Variants in SH2D3C observed in about 807,000 individuals in gnomAD.
SH2D3C encodes the protein SH2 domain-containing protein 3C.
In SH2D3C, 25 loss-of-function variants were observed where a neutral mutation model predicts 75.2. That is an observed-to-expected ratio of 0.33 (90% CI 0.24 to 0.46). SH2D3C has a LOEUF of 0.46. Ranked by LOEUF, SH2D3C falls within the 20% of genes least tolerant of loss-of-function variation. The pLI is 1.00. For missense variants in SH2D3C, 933 were observed against 1,165.3 expected (o/e 0.80, Z 2.90); for synonymous variants, 450 against 473.7 (o/e 0.95, Z 0.65).
At position 127,749,181 on chromosome 9, in the gene SH2D3C, C is replaced by T. The variant is rs746802045; in HGVS notation, c.1139+30G>A. 17 of 1,491,654 alleles carry T rather than the reference C, an allele frequency of 1.1e-5. No individual in the cohort carries two copies. The South Asian group carries it at 2.0e-4, about 18-fold the overall frequency. The allele number at this position is 1,491,654 out of a possible 1,614,324, so 92.4% of individuals were successfully genotyped here. On this transcript the variant is annotated intron_variant, in intron 5 of 11. Coordinates refer to ENST00000314830, the MANE Select transcript of SH2D3C (RefSeq NM_170600.3). This position sits in a 1 kb window ranked among gnomAD's most constrained non-coding sequence, Gnocchi z 5.9. ...TCACTAGCCCTCTCATTACCCACAA[C>T]CCCATTTGACAAATGGGGCCCTGGC...
At position 127,749,604 on chromosome 9, in the gene SH2D3C, A is replaced by C. The variant is rs771313157; in HGVS notation, c.746T>G (p.Leu249Arg). 11 of 1,597,638 alleles carry C rather than the reference A, an allele frequency of 6.9e-6. No homozygotes were observed. The highest frequency in any genetic ancestry group is 9.4e-6 in the Non-Finnish European group (11 of 1,172,620). The change falls in exon 5 of 12, where the codon CTG becomes CGG. Residue 249 changes from leucine to arginine, a missense_variant. Physicochemically the swap from Leu to Arg is moderately radical, Grantham distance 102. Transcript: ENST00000314830. This position sits in a 1 kb window ranked among gnomAD's most constrained non-coding sequence, Gnocchi z 5.9. ...GCGGCACGTGAGCACATAGTCGCCC[A>C]GGCTGGTGAGTGAGTCCCGGATGAG... is the stretch of plus-strand genomic sequence containing the variant. ...DFLIRDSLTS[L>R]GDYVLTCRWR...
intron 2 of SH2D3C, among the ~76,000 whole-genome samples, chr9:127,772,386 G>C (rs1845753214): frequency 6.6e-6 from 1 of 151,916 alleles, no homozygotes. Context: ...TGGGATTACA[G>C]GTGCCCGCCG....
chr9:127,759,047 G>A (rs1475218080), intron 3 of SH2D3C, among the ~76,000 whole-genome samples: 1 of 152,222 alleles, frequency 6.6e-6, no homozygotes, highest in Admixed American at 6.5e-5. Context: ...GCTCACTGAA[G>A]CCATAGCAAC....
rs1232879095 is a variant in SH2D3C at position 127,754,951 on chromosome 9, G to GCCCA, written c.556-3652_556-3651insTGGG. The GCCCA allele has an allele frequency of 0.016, 8,507 of 524,272 alleles. 125 individuals are homozygous for GCCCA. The highest frequency in any genetic ancestry group is 0.016 in the Non-Finnish European group (4,910 of 300,516). The allele number at this position is 524,272 out of a possible 1,614,324, so 32.5% of individuals were successfully genotyped here. On this transcript the variant is annotated intron_variant, in intron 3 of 11. Coordinates refer to ENST00000314830, the MANE Select transcript of SH2D3C (RefSeq NM_170600.3). The surrounding 1 kb of genome is among the most constrained non-coding windows in gnomAD (Gnocchi z 4.4). ...CCCCGCCCCCTCCCCGGGTCGGCCG[G>GCCCA]GCCCAGCCCAGCCCGACCCTGCCGG... is the stretch of plus-strand genomic sequence containing the variant.
At chr9:127,756,212 G>A (rs1845375359) in intron 3 of SH2D3C, among the ~76,000 whole-genome samples, 1 of 152,222 alleles carries the variant, frequency 6.6e-6, no homozygotes, top group Admixed American at 6.5e-5. Context: ...TGAGGCATGA[G>A]AATCGCTTGA....
chr9:127,746,150 G>A (rs575456316), intron 6 of SH2D3C, among the ~76,000 whole-genome samples: 21 of 152,274 alleles, frequency 1.4e-4, no homozygotes, highest in South Asian at 1.0e-3. Flanking sequence ...ATTCTGGCAA[G>A]GAATTTTAGG....
intron 2 of SH2D3C, chr9:127,767,228 C>T: frequency 6.7e-7 from 1 of 1,494,418 alleles, no homozygotes; most frequent in Non-Finnish European, 8.9e-7. Context: ...CAGAGCGGAG[C>T]TGAGGATGCT....
rs1845727913 is a variant in SH2D3C at position 127,771,108 on chromosome 9, G to T, written c.515+2882C>A. ...AACCCCGCCCCCAAATTTGTCAGCT[G>T]CCCCAGGGGTGCAGATTTCCTCCTT... On this transcript the variant is annotated intron_variant, in intron 2 of 11. Coordinates refer to ENST00000314830, the MANE Select transcript of SH2D3C (RefSeq NM_170600.3). 2.6e-6 allele frequency: 3 copies of T among 1,171,380 alleles called. No individual in the cohort carries two copies. The South Asian group carries it at 4.9e-5, about 19-fold the overall frequency. The allele number at this position is 1,171,380 out of a possible 1,614,324, so 72.6% of individuals were successfully genotyped here.
At chr9:127,741,745 C>G in intron 9 of SH2D3C, 43 bp downstream of exon 9, 1 of 1,598,832 alleles carries the variant, frequency 6.3e-7, no homozygotes. Flanking sequence ...CAGGGCTCTT[C>G]CAGACAGTCT....
chr9:127,774,041 G>A lies in SH2D3C; in HGVS notation c.464C>T (p.Pro155Leu), dbSNP rs748580820. The A allele has an allele frequency of 1.4e-5, 22 of 1,614,164 alleles. No individual in the cohort carries two copies. The East Asian group carries it at 4.7e-4, about 34-fold the overall frequency. ...EVDPIRKPEVPTGDVEEERPP... is the reference protein window; with the variant it reads ...EVDPIRKPEVLTGDVEEERPP... ...TCTCTCCTCTTCTACGTCTCCTGTG[G>A]GGACCTCAGGCTTTCTGATGGGGTC... Residue 155 changes from proline (P) to leucine (L), a missense_variant, in exon 2 of 12, where the codon CCC (proline) becomes CTC (leucine). Physicochemically the swap from Pro to Leu is moderately conservative, Grantham distance 98. Transcript: ENST00000314830. The surrounding 1 kb of genome is among the most constrained non-coding windows in gnomAD (Gnocchi z 4.3).
chr9:127,739,433 T>C lies in SH2D3C; in HGVS notation c.2407+249A>G, dbSNP rs1844781507. 6.6e-6 allele frequency among the ~76,000 whole-genome samples: 1 copy of C among 151,816 alleles called. No homozygotes were observed. Among genetic ancestry groups the C allele is most frequent in the Admixed American group, 6.6e-5 (1 of 15,254 alleles). On this transcript the variant is annotated intron_variant, in intron 11 of 11. Coordinates refer to ENST00000314830, the MANE Select transcript of SH2D3C (RefSeq NM_170600.3). This position sits in a 1 kb window ranked among gnomAD's most constrained non-coding sequence, Gnocchi z 4.3. ...GCTGAGGCAGGAGAATCGCTTGAACTTGGGAGGCGGAGGTTGCAGTGAGCC... is the reference window on the plus strand; with the variant it reads ...GCTGAGGCAGGAGAATCGCTTGAACCTGGGAGGCGGAGGTTGCAGTGAGCC...
intron 3 of SH2D3C, chr9:127,755,132 C>T: frequency 8.2e-7 from 1 of 1,221,192 alleles, no homozygotes; most frequent in East Asian, 3.3e-5. Context: ...GCCGACAGGG[C>T]ACTCCACAGG....
chr9:127,773,917 C>CAAAAA, intron 2 of SH2D3C, 73 bp downstream of exon 2: 1 of 751,564 alleles, frequency 1.3e-6, no homozygotes, highest in Non-Finnish European at 2.1e-6. Flanking sequence ...CACTCTGTGT[C>CAAAAA]AAAAAAAAAA....
intron 1 of SH2D3C, among the ~76,000 whole-genome samples, chr9:127,776,550 T>C (rs902325742): frequency 6.6e-6 from 1 of 152,176 alleles, no homozygotes; most frequent in Non-Finnish European, 1.5e-5. Flanking sequence ...GGACTGTCCC[T>C]TCTCACAGCC....
chr9:127,762,291 C>T (rs1845547790), intron 2 of SH2D3C: 1 of 1,272,050 alleles, frequency 7.9e-7, no homozygotes, highest in African/African-American at 1.6e-5. Flanking sequence ...TCCTGAGGGC[C>T]ACCGTGAACC....
chr9:127,745,066 G>C lies in SH2D3C; in HGVS notation c.1298C>G (p.Ser433Cys). ...TRVHAAPAAP[S>C]ATALPASPVA... ...AGGGGAGGCAGGCAATGCTGTGGCA[G>C]AAGGGGCTGCAGGGGCGGCATGGAC... The change falls in exon 7 of 12, where the codon TCT becomes TGT. Residue 433 changes from serine (S) to cysteine (C), a missense_variant. By Grantham distance (112) the Ser-to-Cys change is moderately radical. Transcript: ENST00000314830. 1 of 1,510,234 alleles carries C rather than the reference G, an allele frequency of 6.6e-7. No individual in the cohort carries two copies. The highest frequency in any genetic ancestry group is 8.8e-7 in the Non-Finnish European group (1 of 1,130,734). The allele number at this position is 1,510,234 out of a possible 1,614,324, so 93.6% of individuals were successfully genotyped here.
At chr9:127,740,192 T>C in intron 10 of SH2D3C, 66 bp downstream of exon 10, 1 of 1,324,350 alleles carries the variant, frequency 7.6e-7, no homozygotes, top group Non-Finnish European at 1.1e-6. Context: ...TCACTGTCCA[T>C]GCTGGGAGTC....
At chr9:127,743,506 A>C (rs998008127) in intron 7 of SH2D3C, among the ~76,000 whole-genome samples, 3 of 152,206 alleles carry the variant, frequency 2.0e-5, no homozygotes, top group Non-Finnish European at 4.4e-5. Context: ...CCATCTCAAA[A>C]AATAAAAATA....
Position 127,741,791 on chromosome 9 carries a change from G to C in SH2D3C, c.2085C>G (p.Ala695=), listed in dbSNP as rs514024. The C allele has an allele frequency of 1.2e-6, 2 of 1,612,448 alleles. No homozygotes were observed. The highest frequency in any genetic ancestry group is 1.7e-5 in the Admixed American group (1 of 59,952). ...FAAVMGALDM[A]QISRLEQTWV... The stretch of plus-strand genomic sequence containing the variant: ...AGCTCTGCGCGGCTCTCAGTACCTG[G>C]GCCATGTCCAGGGCACCCATGACCG... The change falls in exon 9 of 12, where the codon GCC becomes GCG. Residue 695 remains alanine, a synonymous_variant. Transcript: ENST00000314830.
Sources: allele counts gnomAD v4.1 joint callset (sites outside exome capture counted in the v4.1 genomes callset), GRCh38; gene constraint gnomAD v4.1.1; non-coding constraint Gnocchi (gnomAD v3.1); transcripts MANE v1.5; gene names NCBI Gene and HGNC (gene_info 2026-07-23, HGNC 2026-07-21).